RBFOX1: variants seen among roughly 807,000 people sequenced by gnomAD.
RBFOX1 encodes the protein RNA binding fox-1 homolog 1, also known as RNA binding protein fox-1 homolog 1.
In RBFOX1, 8 loss-of-function variants were observed where a neutral mutation model predicts 57.7. The ratio of observed to expected loss-of-function variants is 0.14; its 90% CI spans 0.08 to 0.25. The LOEUF (loss-of-function observed/expected upper bound fraction) is 0.25, where lower values mean the gene tolerates loss of function less well. Ranked by LOEUF, RBFOX1 falls within the 10% of genes least tolerant of loss-of-function variation. The pLI, the probability that RBFOX1 is intolerant of heterozygous loss-of-function variation, is 1.00. For missense variants in RBFOX1, 611 were observed against 548.5 expected (o/e 1.11, Z -1.14); for synonymous variants, 326 against 222.4 (o/e 1.47, Z -4.15).
intron 4 of RBFOX1, among the ~76,000 whole-genome samples, chr16:7,506,442 T>C (rs1374726592): frequency 1.3e-5 from 2 of 152,108 alleles, no homozygotes; most frequent in Non-Finnish European, 2.9e-5. Flanking sequence ...AATGAGGTAA[T>C]GTAGGCAAAG....
intron 4 of RBFOX1, among the ~76,000 whole-genome samples, chr16:7,078,800 A>G (rs994978196): frequency 1.4e-5 from 2 of 142,866 alleles, no homozygotes; most frequent in African/African-American, 5.1e-5. Flanking sequence ...CTCCTGCCTC[A>G]TCCTCCCGAG....
intron 3 of RBFOX1, among the ~76,000 whole-genome samples, chr16:5,841,307 G>A (rs78636255): frequency 6.6e-6 from 1 of 152,154 alleles, no homozygotes; most frequent in Non-Finnish European, 1.5e-5. Flanking sequence ...AACCCACACA[G>A]CTGGATTCAG....
chr16:5,988,907 T>C (rs1340762371), intron 4 of RBFOX1, among the ~76,000 whole-genome samples: 1 of 152,130 alleles, frequency 6.6e-6, no homozygotes, highest in East Asian at 1.9e-4. Flanking sequence ...AGAATATCGC[T>C]CTGGCTTTAG....
chr16:5,388,944 C>A (rs972937757), intron 1 of RBFOX1, among the ~76,000 whole-genome samples: 2 of 151,258 alleles, frequency 1.3e-5, no homozygotes, highest in Non-Finnish European at 2.9e-5. Flanking sequence ...GTAATCCCAG[C>A]ACTTTGGGAG....
At chr16:6,106,853 A>C (rs1240867335) in intron 1 of RBFOX1, among the ~76,000 whole-genome samples, 1 of 151,804 alleles carries the variant, frequency 6.6e-6, no homozygotes, top group East Asian at 2.0e-4. Context: ...TCGGATTTCT[A>C]GTAGAGACGG....
At chr16:7,490,507 A>T (rs1368195651) in intron 4 of RBFOX1, among the ~76,000 whole-genome samples, 2 of 152,192 alleles carry the variant, frequency 1.3e-5, no homozygotes, top group Non-Finnish European at 2.9e-5. Context: ...TCTGACATGG[A>T]AGGAGTGGAT....
At chr16:6,643,771 G>T (rs1216297673) in intron 2 of RBFOX1, among the ~76,000 whole-genome samples, 2 of 152,014 alleles carry the variant, frequency 1.3e-5, no homozygotes, top group Admixed American at 1.3e-4. Flanking sequence ...TGGAAACACT[G>T]GGCAAAAGGG....
chr16:7,239,391 T>C (rs2093942123), intron 4 of RBFOX1, among the ~76,000 whole-genome samples: 1 of 152,114 alleles, frequency 6.6e-6, no homozygotes, highest in Non-Finnish European at 1.5e-5. Flanking sequence ...CCCAGTTACT[T>C]GGGAGTCTAA....
intron 2 of RBFOX1, among the ~76,000 whole-genome samples, chr16:5,546,369 G>T (rs1032248297): frequency 6.6e-6 from 1 of 152,122 alleles, no homozygotes; most frequent in African/African-American, 2.4e-5. Context: ...AACCAAAACA[G>T]CTTTGAAGAA....
chr16:7,317,723 A>G (rs1365989872), intron 4 of RBFOX1, among the ~76,000 whole-genome samples: 2 of 152,246 alleles, frequency 1.3e-5, no homozygotes, highest in African/African-American at 4.8e-5. Flanking sequence ...GTGAAACAGA[A>G]CTGACTTTGA....
chr16:7,383,799 G>A (rs932234477), intron 4 of RBFOX1, among the ~76,000 whole-genome samples: 4 of 152,152 alleles, frequency 2.6e-5, no homozygotes, highest in African/African-American at 9.7e-5. Flanking sequence ...GCTCAAGCCT[G>A]TAATCCCCGT....
intron 5 of RBFOX1, among the ~76,000 whole-genome samples, chr16:7,558,382 G>A (rs572752390): frequency 2.0e-4 from 31 of 151,552 alleles, no homozygotes; most frequent in South Asian, 4.2e-4. Context: ...ATATATACAC[G>A]CGCACACACT....
chr16:5,663,436 C>T (rs906864127), intron 3 of RBFOX1, among the ~76,000 whole-genome samples: 2 of 151,758 alleles, frequency 1.3e-5, no homozygotes, highest in African/African-American at 4.8e-5. Flanking sequence ...AACTCCTGGC[C>T]TCAAGCTATC....
intron 1 of RBFOX1, among the ~76,000 whole-genome samples, chr16:6,259,021 G>A (rs543971647): frequency 6.6e-6 from 1 of 152,264 alleles, no homozygotes; most frequent in Non-Finnish European, 1.5e-5. Flanking sequence ...ACTTTCTTAT[G>A]CTCACTTTCT....
intron 2 of RBFOX1, among the ~76,000 whole-genome samples, chr16:6,357,760 C>G (rs571615011): frequency 1.3e-5 from 2 of 151,800 alleles, no homozygotes; most frequent in Admixed American, 6.6e-5. Flanking sequence ...ACCAGCCTGG[C>G]GAACATCGTG....
At chr16:7,431,251 C>A (rs60342782) in intron 4 of RBFOX1, 57,373 of 151,794 alleles carry the variant, frequency 0.38, 14,591 homozygotes, top group African/African-American at 0.73. Context: ...TTGAGTAGGA[C>A]TCTCACTGTG....
At chr16:6,037,621 A>T (rs1333605679) in intron 1 of RBFOX1, 2 of 150,960 alleles carry the variant, frequency 1.3e-5, no homozygotes, top group African/African-American at 4.9e-5. Context: ...TGGAGACGGA[A>T]TCTCGCTCTG....
At chr16:5,955,340 A>AT (rs1567187714) in intron 4 of RBFOX1, among the ~76,000 whole-genome samples, 34 of 81,778 alleles carry the variant, frequency 4.2e-4, no homozygotes, top group Admixed American at 9.1e-4. Flanking sequence ...ATAAAATAAA[A>AT]TAAAATAAAA....
At chr16:7,480,785 A>G (rs974400760) in intron 4 of RBFOX1, among the ~76,000 whole-genome samples, 3 of 152,142 alleles carry the variant, frequency 2.0e-5, no homozygotes, top group African/African-American at 4.8e-5. Context: ...GTCGTAATTA[A>G]TGATCTGCTG....
Sources: gnomAD v4.1 joint callset for allele counts (sites outside exome capture counted in the v4.1 genomes callset) on GRCh38, gnomAD v4.1.1 for gene constraint, MANE v1.5 for transcripts, NCBI Gene and HGNC (gene_info 2026-07-23, HGNC 2026-07-21) for gene names.